MYO10: variants seen among roughly 807,000 people sequenced by gnomAD.
MYO10 encodes the protein unconventional myosin-X.
A neutral mutation model predicts 257.3 loss-of-function variants in MYO10; 133 were observed. The ratio of observed to expected loss-of-function variants is 0.52; its 90% confidence interval spans 0.45 to 0.60. MYO10 has a LOEUF of 0.60. MYO10 is among the 20% of genes least tolerant of loss of function. The pLI is 0.00. For synonymous variants in MYO10, 1,104 were observed against 1,028.6 expected (o/e 1.07, Z -1.40); for missense variants, 2,399 against 2,635.7 (o/e 0.91, Z 1.97).
chr5:16,818,303 G>A (rs985144840), intron 2 of MYO10, 136 bp from the exon 3 acceptor site: 9 of 706,958 alleles, frequency 1.3e-5, no homozygotes, highest in Admixed American at 3.3e-5. Context: ...AAAATATATC[G>A]CAAAAATCTC....
At chr5:16,853,373 C>T (rs901422417) in intron 2 of MYO10, among the ~76,000 whole-genome samples, 1 of 129,374 alleles carries the variant, frequency 7.7e-6, no homozygotes, top group African/African-American at 3.0e-5. Flanking sequence ...GACTCCGTCT[C>T]AAAAAAAAAA....
chr5:16,709,065 G>C (rs1019144858), intron 21 of MYO10, among the ~76,000 whole-genome samples: 2 of 152,192 alleles, frequency 1.3e-5, no homozygotes, highest in African/African-American at 2.4e-5. Flanking sequence ...GCTCTACTGG[G>C]TGATCGTAGA....
intron 2 of MYO10, among the ~76,000 whole-genome samples, chr5:16,844,640 C>G (rs1743575576): frequency 6.6e-6 from 1 of 152,134 alleles, no homozygotes; most frequent in African/African-American, 2.4e-5. Context: ...AATCTATACT[C>G]AACTACTAAT....
At chr5:16,684,141 T>C (rs940684155) in intron 29 of MYO10, among the ~76,000 whole-genome samples, 1 of 152,232 alleles carries the variant, frequency 6.6e-6, no homozygotes, top group Non-Finnish European at 1.5e-5. Context: ...GGCCATTTAT[T>C]TTTTAAAATT....
At chr5:16,715,906 A>C (rs2126588143) in intron 19 of MYO10, among the ~76,000 whole-genome samples, 1 of 152,204 alleles carries the variant, frequency 6.6e-6, no homozygotes, top group Admixed American at 6.5e-5. Context: ...AAATACAAAA[A>C]TCAGCCGAGT....
intron 21 of MYO10, among the ~76,000 whole-genome samples, chr5:16,707,790 C>T (rs1259574254): frequency 6.6e-6 from 1 of 152,188 alleles, no homozygotes; most frequent in Non-Finnish European, 1.5e-5. Flanking sequence ...TCCGACAGGC[C>T]GCTTCAATTC....
At chr5:16,844,423 TTA>T (rs56981942) in intron 2 of MYO10, among the ~76,000 whole-genome samples, 7,835 of 152,184 alleles carry the variant, frequency 0.051, 697 homozygotes, top group African/African-American at 0.18. Context: ...CATTTTTTTT[TTA>T]GTGTCACAAA....
At chr5:16,760,057 G>C (rs1465160487) in intron 17 of MYO10, among the ~76,000 whole-genome samples, 1 of 151,858 alleles carries the variant, frequency 6.6e-6, no homozygotes, top group Non-Finnish European at 1.5e-5. Flanking sequence ...ATAAACATGT[G>C]TTTTTGTTAC....
chr5:16,710,838 TA>T, intron 21 of MYO10, 69 bp downstream of exon 21: 1 of 1,344,540 alleles, frequency 7.4e-7, no homozygotes. Context: ...CATAGAGCCC[TA>T]AACCCTGTGA....
At chr5:16,693,581 T>C (rs1177553285) in intron 27 of MYO10, among the ~76,000 whole-genome samples, 2 of 152,252 alleles carry the variant, frequency 1.3e-5, no homozygotes, top group African/African-American at 4.8e-5. Flanking sequence ...AGAAACATTT[T>C]ACTTTTAAGG....
intron 28 of MYO10, among the ~76,000 whole-genome samples, chr5:16,688,113 C>G (rs564052422): frequency 1.7e-4 from 26 of 152,296 alleles, no homozygotes; most frequent in African/African-American, 6.3e-4. Context: ...GCCTATAATT[C>G]AGCTGAAAAG....
At chr5:16,826,617 G>A (rs557811190) in intron 2 of MYO10, among the ~76,000 whole-genome samples, 8 of 152,268 alleles carry the variant, frequency 5.3e-5, no homozygotes, top group South Asian at 4.1e-4. Context: ...CTGCGTGTGC[G>A]TTCTCCATGT....
chr5:16,895,536 C>G (rs554177321), intron 1 of MYO10, among the ~76,000 whole-genome samples: 10 of 152,146 alleles, frequency 6.6e-5, no homozygotes, highest in African/African-American at 2.4e-4. Context: ...TCCCCTATCT[C>G]GTTCCCAGGA....
intron 1 of MYO10, among the ~76,000 whole-genome samples, chr5:16,906,940 C>T (rs1433084783): frequency 6.6e-6 from 1 of 151,974 alleles, no homozygotes; most frequent in Non-Finnish European, 1.5e-5. Flanking sequence ...GATGAAACCC[C>T]GTCTCTACTA....
intron 1 of MYO10, among the ~76,000 whole-genome samples, chr5:16,916,747 C>T (rs1385841513): frequency 6.6e-6 from 1 of 152,080 alleles, no homozygotes; most frequent in Admixed American, 6.6e-5. Context: ...GAAGAAAAAC[C>T]ACACACTTAC....
intron 1 of MYO10, among the ~76,000 whole-genome samples, chr5:16,924,493 G>T (rs1278675933): frequency 6.6e-6 from 1 of 152,030 alleles, no homozygotes; most frequent in African/African-American, 2.4e-5. Context: ...ATCCAAATAA[G>T]AATCTGCAAA....
At chr5:16,679,335 G>A (rs1486560322) in intron 33 of MYO10, among the ~76,000 whole-genome samples, 1 of 152,130 alleles carries the variant, frequency 6.6e-6, no homozygotes, top group Admixed American at 6.6e-5. Context: ...CATGAGCAGG[G>A]AGCCCCACAG....
chr5:16,868,457 A>G (rs1744348064), intron 2 of MYO10, among the ~76,000 whole-genome samples: 1 of 152,192 alleles, frequency 6.6e-6, no homozygotes, highest in African/African-American at 2.4e-5. Context: ...ACATAAAATT[A>G]GCCAGGCGTG....
intron 2 of MYO10, among the ~76,000 whole-genome samples, chr5:16,857,796 A>G (rs1744002245): frequency 6.6e-6 from 1 of 152,222 alleles, no homozygotes; most frequent in Non-Finnish European, 1.5e-5. Flanking sequence ...GGCTGGTCGC[A>G]CTGGTTGCAA....
Sources: gnomAD v4.1 joint callset for allele counts (sites outside exome capture counted in the v4.1 genomes callset) on GRCh38, gnomAD v4.1.1 for gene constraint, MANE v1.5 for transcripts, NCBI Gene and HGNC (gene_info 2026-07-23, HGNC 2026-07-21) for gene names.